NUDT13: variants seen among roughly 807,000 people sequenced by gnomAD.
The protein encoded by NUDT13 is nudix hydrolase 13.
A neutral mutation model predicts 41.7 loss-of-function variants in NUDT13; 40 were observed. That is an observed-to-expected ratio of 0.96 (90% CI 0.75 to 1.25). NUDT13 has a LOEUF of 1.25. Among genes scored for constraint, NUDT13 ranks in the 50% most tolerant of loss-of-function variants. The probability of loss-of-function intolerance (pLI) is 0.00; values close to 1 mark genes in which losing one functional copy is unlikely to be tolerated. For synonymous variants in NUDT13, 145 were observed against 155.5 expected (o/e 0.93, Z 0.50); for missense variants, 390 against 416.1 (o/e 0.94, Z 0.55).
intron 3 of NUDT13, among the ~76,000 whole-genome samples, chr10:73,121,218 C>T (rs1290080029): frequency 6.6e-6 from 1 of 152,014 alleles, no homozygotes; most frequent in African/African-American, 2.4e-5. Context: ...TACCCAAGAA[C>T]AAAAAATTAG....
At chr10:73,123,469 A>G (rs1438643302) in intron 4 of NUDT13, among the ~76,000 whole-genome samples, 1 of 152,092 alleles carries the variant, frequency 6.6e-6, no homozygotes, top group Admixed American at 6.5e-5. Context: ...CGGATAAGCT[A>G]ATGCAAATGT....
intron 4 of NUDT13, 85 bp downstream of exon 4, chr10:73,122,394 T>G: frequency 7.5e-7 from 1 of 1,333,054 alleles, no homozygotes. Context: ...AAAGGAAAAT[T>G]TGGGGAATAC....
intron 6 of NUDT13, 60 bp downstream of exon 6, chr10:73,125,303 GA>G: frequency 6.2e-7 from 1 of 1,603,098 alleles, no homozygotes; most frequent in Non-Finnish European, 8.5e-7. Flanking sequence ...TTGTCCTGGG[GA>G]AGGAAGCCTG....
intron 2 of NUDT13, among the ~76,000 whole-genome samples, chr10:73,117,836 A>G (rs916486546): frequency 2.0e-5 from 3 of 152,204 alleles, no homozygotes; most frequent in African/African-American, 4.8e-5. Context: ...TAAAATAAGG[A>G]AAAAGTTTGT....
At chr10:73,128,519 T>C (rs1842843443) in intron 8 of NUDT13, among the ~76,000 whole-genome samples, 1 of 152,246 alleles carries the variant, frequency 6.6e-6, no homozygotes, top group Admixed American at 6.5e-5. Context: ...ACATACCTGT[T>C]GGCCATTTGA....
intron 2 of NUDT13, 91 bp downstream of exon 2, chr10:73,114,539 G>C: frequency 2.3e-6 from 1 of 437,018 alleles, no homozygotes; most frequent in African/African-American, 2.1e-5. Context: ...TTAGGTTTAT[G>C]ATTATTATAT....
rs1231557880 is a variant in NUDT13, at chr10:73,120,140, C to T, written c.206C>T (p.Pro69Leu). ...ACTTCAGCACATCAATACCTGGCCCCCCGGCACAGCCTGTTAGGTAAGTCC... is the reference window on the plus strand; with the variant it reads ...ACTTCAGCACATCAATACCTGGCCCTCCGGCACAGCCTGTTAGGTAAGTCC... ...LQTSAHQYLA[P>L]RHSLLELERL... The change falls in exon 3 of 9, where the codon CCC (proline) becomes CTC (leucine). Residue 69 changes from proline to leucine, a missense_variant. Physicochemically the swap from Pro to Leu is moderately conservative, Grantham distance 98 (BLOSUM62 -3). Coordinates refer to ENST00000357321, the MANE Select transcript of NUDT13 (RefSeq NM_015901.6). 4 of 1,614,098 alleles carry T rather than the reference C, an allele frequency of 2.5e-6. No homozygotes were observed. In the African/African-American group the frequency reaches 5.3e-5, roughly 22 times the overall value.
chr10:73,120,081 T>C lies in NUDT13; in HGVS notation c.147T>C (p.Phe49=), dbSNP rs1030075760. ...AAAAAGCCCAGCAAACAGGAGCGTT[T>C]TACCTCTTTCATAGTCTGGCTCCTC... ...ACKKAQQTGA[F]YLFHSLAPLL... Residue 49 remains phenylalanine, a synonymous_variant, in exon 3 of 9, where the codon TTT becomes TTC. Transcript: ENST00000357321. 2 of 1,614,120 alleles carry C rather than the reference T, an allele frequency of 1.2e-6. No individual in the cohort carries two copies. The highest frequency in any genetic ancestry group is 2.7e-5 in the African/African-American group (2 of 74,948).
intron 8 of NUDT13, among the ~76,000 whole-genome samples, chr10:73,129,682 A>C (rs1389019052): frequency 1.3e-5 from 2 of 151,934 alleles, no homozygotes; most frequent in Non-Finnish European, 2.9e-5. Context: ...CTTTAAAAAA[A>C]AAAAAAAAAG....
intron 8 of NUDT13, among the ~76,000 whole-genome samples, chr10:73,127,420 G>A (rs1842815196): frequency 6.6e-6 from 1 of 151,970 alleles, no homozygotes; most frequent in Non-Finnish European, 1.5e-5. Flanking sequence ...TATGATTTAT[G>A]CCCTCAAGGA....
chr10:73,125,760 T>G lies in NUDT13; in HGVS notation c.703+251T>G, dbSNP rs1842759689. On this transcript the variant is annotated intron_variant, in intron 7 of 8. Transcript: ENST00000357321. The stretch of plus-strand genomic sequence containing the variant: ...AGTGCAGTGGTGCAATCATGGCTCA[T>G]TACAGCCTCAACCTTCTGGGTTCAA... 2.0e-5 allele frequency among the ~76,000 whole-genome samples: 3 copies of G among 151,160 alleles called. No homozygotes were observed. The South Asian group carries it at 6.2e-4, about 31-fold the overall frequency.
At chr10:73,129,873 G>T (rs959747436) in intron 8 of NUDT13, among the ~76,000 whole-genome samples, 2 of 150,870 alleles carry the variant, frequency 1.3e-5, no homozygotes, top group Non-Finnish European at 3.0e-5. Flanking sequence ...CCAGCTACTC[G>T]GGAGGCTGAG....
At chr10:73,126,641 G>C (rs982537021) in intron 7 of NUDT13, 32 bp from the exon 8 acceptor site, 1 of 1,612,258 alleles carries the variant, frequency 6.2e-7, no homozygotes, top group African/African-American at 1.3e-5. Flanking sequence ...CTAGCCTACA[G>C]GGCTGTCCTG....
intron 7 of NUDT13, 112 bp downstream of exon 7, chr10:73,125,621 A>C: frequency 4.3e-6 from 2 of 469,408 alleles, no homozygotes; most frequent in Non-Finnish European, 3.6e-6. Flanking sequence ...ATTCTTTTCT[A>C]TCATGTCAAG....
chr10:73,124,382 T>C, intron 5 of NUDT13, 62 bp downstream of exon 5: 1 of 1,093,280 alleles, frequency 9.1e-7, no homozygotes, highest in Non-Finnish European at 1.4e-6. Flanking sequence ...GGCAAATCCA[T>C]GTGTACACAC....
chr10:73,123,622 G>T (rs1842699218), intron 4 of NUDT13, among the ~76,000 whole-genome samples: 3 of 152,090 alleles, frequency 2.0e-5, no homozygotes, highest in African/African-American at 7.2e-5. Context: ...AGAATCTCCA[G>T]GTAGGGGCTT....
Position 73,120,139 on chromosome 10 carries a change from C to G in NUDT13, c.205C>G (p.Pro69Ala). 7 of 1,614,200 alleles carry G rather than the reference C, an allele frequency of 4.3e-6. No individual in the cohort carries two copies. Among genetic ancestry groups the G allele is most frequent in the Non-Finnish European group, 5.9e-6 (7 of 1,180,032 alleles). The change falls in exon 3 of 9, where the codon CCC (proline) becomes GCC (alanine). Residue 69 changes from proline (P) to alanine (A), a missense_variant. Coordinates refer to ENST00000357321, the MANE Select transcript of NUDT13 (RefSeq NM_015901.6). ...GACTTCAGCACATCAATACCTGGCC[C>G]CCCGGCACAGCCTGTTAGGTAAGTC... Reference protein sequence around the residue: ...LQTSAHQYLAPRHSLLELERL... With the variant: ...LQTSAHQYLAARHSLLELERL...
intron 8 of NUDT13, among the ~76,000 whole-genome samples, chr10:73,129,411 T>C (rs1305777067): frequency 6.6e-6 from 1 of 151,644 alleles, no homozygotes; most frequent in African/African-American, 2.4e-5. Flanking sequence ...TGACCTCAGG[T>C]GATCCTCCCA....
At chr10:73,126,561 A>G in intron 7 of NUDT13, 112 bp from the exon 8 acceptor site, 2 of 1,222,096 alleles carry the variant, frequency 1.6e-6, no homozygotes, top group South Asian at 1.5e-5. Flanking sequence ...GACACTCCCA[A>G]GAGCATTTCA....
Sources: gnomAD v4.1 joint callset for allele counts (sites outside exome capture counted in the v4.1 genomes callset) on GRCh38, gnomAD v4.1.1 for gene constraint, MANE v1.5 for transcripts, NCBI Gene and HGNC (gene_info 2026-07-23, HGNC 2026-07-21) for gene names.